Variants in LINGO2 observed in about 807,000 individuals in gnomAD.
The protein encoded by LINGO2 is leucine rich repeat and Ig domain containing 2, also known as leucine-rich repeat and immunoglobulin-like domain-containing nogo receptor-interacting protein 2.
Under a neutral mutation model 30.6 loss-of-function variants are expected in LINGO2, and 14 were observed. The ratio of observed to expected loss-of-function variants is 0.46; its 90% CI spans 0.30 to 0.72. LINGO2 has a LOEUF of 0.72. Among genes scored for constraint, LINGO2 ranks in the 30% least tolerant of loss-of-function variants. The pLI is 0.07. For synonymous variants in LINGO2, 317 were observed against 288.5 expected (o/e 1.10, Z -1.00); for missense variants, 729 against 751.7 (o/e 0.97, Z 0.35).
intron 4 of LINGO2, among the ~76,000 whole-genome samples, chr9:28,048,197 C>G (rs1268286965): frequency 1.3e-5 from 2 of 150,728 alleles, no homozygotes; most frequent in African/African-American, 4.9e-5. Context: ...ATTTAGGAAA[C>G]AAGTGTTAGA....
intron 2 of LINGO2, among the ~76,000 whole-genome samples, chr9:28,466,795 C>T (rs1825322107): frequency 6.6e-6 from 1 of 152,064 alleles, no homozygotes; most frequent in African/African-American, 2.4e-5. Context: ...GTGACTTTAA[C>T]TCAAAGTGTT....
the LINGO2 span, among the ~76,000 whole-genome samples, chr9:28,739,524 AAAT>A: frequency 6.6e-6 from 1 of 151,898 alleles, no homozygotes; most frequent in African/African-American, 2.4e-5. Flanking sequence ...AGAAACCAGC[AAAT>A]AATAATACAA....
At chr9:28,334,055 T>C (rs1013603592) in intron 3 of LINGO2, among the ~76,000 whole-genome samples, 7 of 152,182 alleles carry the variant, frequency 4.6e-5, no homozygotes, top group Non-Finnish European at 1.5e-5. Context: ...CTTCCCCTTG[T>C]GCTGCAGTTT....
chr9:29,000,437 T>C, the LINGO2 span, among the ~76,000 whole-genome samples: 1 of 151,924 alleles, frequency 6.6e-6, no homozygotes, highest in Non-Finnish European at 1.5e-5. Context: ...ATACAATATG[T>C]ATATTTAAAA....
At chr9:28,140,690 A>C (rs1827647081) in intron 4 of LINGO2, among the ~76,000 whole-genome samples, 1 of 152,108 alleles carries the variant, frequency 6.6e-6, no homozygotes, top group African/African-American at 2.4e-5. Flanking sequence ...TACCACCTGG[A>C]TTTTCCCATG....
In LINGO2 at chr9:28,056,326, A is replaced by T. The variant is rs573013331; in HGVS notation, c.-86-43921T>A. Among the ~76,000 whole-genome samples, 7 of 152,286 alleles carry T rather than the reference A, an allele frequency of 4.6e-5. No homozygotes were observed. In the East Asian group the frequency reaches 1.4e-3, roughly 29 times the overall value. ...GTCAGTTTGCTGACATTTTGCATTT[A>T]TGAGAAACAGTTTGCTGTTTACTCG... is the stretch of plus-strand genomic sequence containing the variant. On this transcript the variant is annotated intron_variant, in intron 4 of 5. Coordinates refer to ENST00000379992, the Ensembl canonical transcript of LINGO2.
intron 1 of LINGO2, among the ~76,000 whole-genome samples, chr9:28,589,054 T>A (rs1041404973): frequency 1.3e-5 from 2 of 152,134 alleles, no homozygotes; most frequent in African/African-American, 4.8e-5. Flanking sequence ...AAAAACCACA[T>A]GATTATCTCA....
chr9:28,126,613 C>A (rs1827242683), intron 4 of LINGO2, among the ~76,000 whole-genome samples: 1 of 152,186 alleles, frequency 6.6e-6, no homozygotes, highest in Non-Finnish European at 1.5e-5. Context: ...TTTGGGGCAC[C>A]TAGGGGTCCC....
At chr9:28,022,583 TTTTCCC>T (rs1351405889) in intron 4 of LINGO2, among the ~76,000 whole-genome samples, 4 of 151,812 alleles carry the variant, frequency 2.6e-5, no homozygotes, top group African/African-American at 9.7e-5. Flanking sequence ...TTTGTGGACT[TTTTCCC>T]TTTCAACAGT....
intron 3 of LINGO2, among the ~76,000 whole-genome samples, chr9:28,325,226 C>A (rs768628964): frequency 6.6e-6 from 1 of 152,088 alleles, no homozygotes. Flanking sequence ...AGAAAACTTG[C>A]AATTATAAAT....
intron 2 of LINGO2, among the ~76,000 whole-genome samples, chr9:28,384,871 A>T (rs1821513949): frequency 6.6e-6 from 1 of 152,086 alleles, no homozygotes; most frequent in Non-Finnish European, 1.5e-5. Flanking sequence ...TTAGCCAGAT[A>T]TCACACTCTA....
intron 1 of LINGO2, among the ~76,000 whole-genome samples, chr9:28,598,468 T>G (rs1246294507): frequency 9.6e-6 from 1 of 103,908 alleles, no homozygotes; most frequent in Non-Finnish European, 2.0e-5. Flanking sequence ...AAACGCCAAA[T>G]AATGATCTGC....
intron 4 of LINGO2, among the ~76,000 whole-genome samples, chr9:28,077,607 C>A (rs1018213593): frequency 1.5e-5 from 2 of 134,950 alleles, no homozygotes; most frequent in Non-Finnish European, 3.0e-5. Flanking sequence ...AACTCTCAGG[C>A]TATGAAGGCA....
chr9:29,110,581 C>T, the LINGO2 span, among the ~76,000 whole-genome samples: 2 of 152,146 alleles, frequency 1.3e-5, no homozygotes, highest in African/African-American at 4.8e-5. Flanking sequence ...ATCCGCCCGC[C>T]TCGGGGCCTC....
chr9:28,848,317 T>TA, the LINGO2 span, among the ~76,000 whole-genome samples: 1 of 132,848 alleles, frequency 7.5e-6, no homozygotes, highest in Non-Finnish European at 1.6e-5. Flanking sequence ...TACGCATATA[T>TA]AGTGTATATA....
intron 1 of LINGO2, among the ~76,000 whole-genome samples, chr9:28,599,555 T>G (rs955226704): frequency 3.9e-5 from 6 of 152,106 alleles, no homozygotes; most frequent in African/African-American, 1.4e-4. Flanking sequence ...ATATTTAAAA[T>G]AATGAAATAT....
chr9:28,221,962 C>G (rs1159352667), intron 4 of LINGO2, among the ~76,000 whole-genome samples: 1 of 152,142 alleles, frequency 6.6e-6, no homozygotes, highest in Non-Finnish European at 1.5e-5. Context: ...GGAAAACTAG[C>G]CCTCACAACA....
chr9:28,009,361 A>AC (rs1013177607), intron 5 of LINGO2, among the ~76,000 whole-genome samples: 1 of 151,744 alleles, frequency 6.6e-6, no homozygotes, highest in African/African-American at 2.4e-5. Context: ...GTGATAAAAA[A>AC]AAAAAGATAA....
At chr9:28,361,532 T>A (rs939723458) in intron 3 of LINGO2, among the ~76,000 whole-genome samples, 2 of 152,102 alleles carry the variant, frequency 1.3e-5, no homozygotes, top group East Asian at 3.9e-4. Flanking sequence ...ATTGTATTTT[T>A]AAAATGCTGG....
Sources: allele counts gnomAD v4.1 joint callset (sites outside exome capture counted in the v4.1 genomes callset), GRCh38; gene constraint gnomAD v4.1.1; transcripts MANE v1.5; gene names NCBI Gene and HGNC (gene_info 2026-07-23, HGNC 2026-07-21).